The following EPSTI1 variants were observed in gnomAD, a reference collection of about 807,000 sequenced individuals.
The protein encoded by EPSTI1 is epithelial-stromal interaction protein 1.
A neutral mutation model predicts 49.9 loss-of-function variants in EPSTI1; 66 were observed. That is an observed-to-expected ratio of 1.32 (90% CI 1.08 to 1.62). The LOEUF is 1.62. Ranked by LOEUF, EPSTI1 falls within the 40% of genes most tolerant of loss-of-function variation. The pLI is 0.00. For synonymous variants in EPSTI1, 137 were observed against 130.7 expected (o/e 1.05, Z -0.33); for missense variants, 394 against 365.5 (o/e 1.08, Z -0.64).
At chr13:42,978,054 G>C (rs1231286053) in intron 1 of EPSTI1, among the ~76,000 whole-genome samples, 1 of 152,078 alleles carries the variant, frequency 6.6e-6, no homozygotes, top group Admixed American at 6.5e-5. Context: ...TTGGGAGGCT[G>C]AGGCAGGAGA....
rs534112838 is a variant in EPSTI1, at chr13:42,922,949, T to C, written c.657+3387A>G. On this transcript the variant is annotated intron_variant, in intron 7 of 10. Transcript: ENST00000313624. The surrounding 1 kb of genome is among the most constrained non-coding windows in gnomAD (Gnocchi z 4.8). The stretch of plus-strand genomic sequence containing the variant: ...CTGAGATTGATCTGCATCTAAATCT[T>C]TGCTCCTGATTTCAAAAGCTTTGCT... Among the ~76,000 whole-genome samples the C allele has an allele frequency of 7.2e-5, 11 of 152,280 alleles. No individual in the cohort carries two copies. Among genetic ancestry groups the C allele is most frequent in the South Asian group, 4.2e-4 (2 of 4,818 alleles).
Position 42,969,184 on chromosome 13 carries a change from C to G in EPSTI1, c.248-7G>C. The G allele has an allele frequency of 6.2e-7, 1 of 1,613,546 alleles. No homozygotes were observed. Among genetic ancestry groups the G allele is most frequent in the Non-Finnish European group, 8.5e-7 (1 of 1,179,902 alleles). ...GCCAGCTCCTGCTCCGCAACTAAGC[C>G]AGGCGAGAAATATCAAATCGTCAAT... On this transcript the variant is annotated splice_region_variant and splice_polypyrimidine_tract_variant and intron_variant, in intron 2 of 10. Transcript: ENST00000313624.
chr13:42,980,501 G>A (rs1391390593), intron 1 of EPSTI1, among the ~76,000 whole-genome samples: 1 of 152,232 alleles, frequency 6.6e-6, no homozygotes, highest in Non-Finnish European at 1.5e-5. Context: ...AGGCAAGAGA[G>A]CACGTGCAGA....
chr13:42,942,994 CTTAT>C (rs1356470041), intron 6 of EPSTI1, among the ~76,000 whole-genome samples: 2 of 152,318 alleles, frequency 1.3e-5, no homozygotes, highest in African/African-American at 2.4e-5. Flanking sequence ...AGCCCTGATT[CTTAT>C]TTAAACAGAA....
intron 9 of EPSTI1, among the ~76,000 whole-genome samples, chr13:42,898,006 C>T (rs2037244808): frequency 6.6e-6 from 1 of 152,126 alleles, no homozygotes; most frequent in Non-Finnish European, 1.5e-5. Flanking sequence ...CACTTCATGG[C>T]CCAAATCCTT....
rs766575159 is a variant in EPSTI1, at chr13:42,963,302, C to G, written c.442G>C (p.Ala148Pro). ...REESVRIKKE[A>P]EEAELQKMKA... ...ATTTTTTGGAGTTCAGCTTCTTCAGCTTCCTTCTTGATTCTTACAGATTCT... is the reference window on the plus strand; with the variant it reads ...ATTTTTTGGAGTTCAGCTTCTTCAGGTTCCTTCTTGATTCTTACAGATTCT... The change falls in exon 5 of 11, where the codon GCT (alanine) becomes CCT (proline). Residue 148 changes from alanine to proline, a missense_variant. Ala to Pro is a conservative substitution (Grantham distance 27). Coordinates refer to ENST00000313624, the MANE Select transcript of EPSTI1 (RefSeq NM_033255.5). 1.9e-6 allele frequency: 3 copies of G among 1,613,670 alleles called. No individual in the cohort carries two copies. The South Asian group carries it at 3.3e-5, about 18-fold the overall frequency.
chr13:42,990,895 G>A (rs2040182129), intron 1 of EPSTI1, among the ~76,000 whole-genome samples: 1 of 152,218 alleles, frequency 6.6e-6, no homozygotes, highest in South Asian at 2.1e-4. Context: ...GCACTTCAAA[G>A]GCAGTGATGT....
At chr13:42,897,878 T>C (rs780731705) in intron 9 of EPSTI1, among the ~76,000 whole-genome samples, 9 of 152,240 alleles carry the variant, frequency 5.9e-5, no homozygotes, top group South Asian at 2.1e-4. Flanking sequence ...AGAAAGTACA[T>C]ACATGCTACT....
intron 6 of EPSTI1, among the ~76,000 whole-genome samples, chr13:42,951,153 T>A (rs902604545): frequency 1.0e-4 from 15 of 149,362 alleles, no homozygotes; most frequent in Non-Finnish European, 1.9e-4. Flanking sequence ...CAAGACTCCA[T>A]TTCCAAAAAA....
At chr13:42,979,584 C>CAAAAAAAAAA in intron 1 of EPSTI1, among the ~76,000 whole-genome samples, 1 of 81,044 alleles carries the variant, frequency 1.2e-5, no homozygotes, top group Non-Finnish European at 2.5e-5. Flanking sequence ...GACTCCGTCT[C>CAAAAAAAAAA]AAAAAAAAAA....
At chr13:42,924,241 G>A (rs577801769) in intron 7 of EPSTI1, among the ~76,000 whole-genome samples, 1 of 152,276 alleles carries the variant, frequency 6.6e-6, no homozygotes, top group African/African-American at 2.4e-5. Context: ...ATAGTTTGGG[G>A]TCAAAATCGG....
chr13:42,969,151 C>A lies in EPSTI1; in HGVS notation c.274G>T (p.Glu92Ter), dbSNP rs111723542. 3.1e-6 allele frequency: 5 copies of A among 1,614,128 alleles called. No individual in the cohort carries two copies. In the African/African-American group the frequency reaches 5.3e-5, roughly 17 times the overall value. Residue 92 changes from glutamate (E) to a stop codon, truncating the protein, a stop_gained, in exon 3 of 11, where the codon GAG (glutamate) becomes TAG (stop). Transcript: ENST00000313624. LOFTEE classifies it high-confidence loss of function. The stretch of plus-strand genomic sequence containing the variant: ...GCTCTGTTCTGCTCCTTCCACTTCT[C>A]CAGGTTGGCCAGCTCCTGCTCCGCA... Reference protein sequence around the residue: ...RIAEQELANLEKWKEQNRAKP... With the variant: ...RIAEQELANL
chr13:42,918,251 T>C (rs931591301), intron 7 of EPSTI1, among the ~76,000 whole-genome samples: 16 of 152,064 alleles, frequency 1.1e-4, no homozygotes, highest in African/African-American at 3.9e-4. Context: ...TCGGTGTCTC[T>C]GACCCACCAC....
chr13:42,910,673 T>TAA (rs1250821901), intron 8 of EPSTI1, among the ~76,000 whole-genome samples: 2 of 152,218 alleles, frequency 1.3e-5, no homozygotes, highest in Non-Finnish European at 2.9e-5. Context: ...GAAAAGCTCT[T>TAA]TTATTTTTAG....
chr13:42,917,409 T>C (rs1451177909), intron 8 of EPSTI1, 132 bp downstream of exon 8: 9 of 859,586 alleles, frequency 1.0e-5, no homozygotes, highest in Non-Finnish European at 1.7e-5. Context: ...GAAACTCACC[T>C]TTTATTTTCA....
At chr13:42,940,627 T>A (rs2038721889) in intron 6 of EPSTI1, among the ~76,000 whole-genome samples, 2 of 152,180 alleles carry the variant, frequency 1.3e-5, no homozygotes. Flanking sequence ...CAGCCTGGAG[T>A]GCAGTGGTGT....
At chr13:42,987,535 C>T (rs146004069) in intron 1 of EPSTI1, among the ~76,000 whole-genome samples, 9 of 152,078 alleles carry the variant, frequency 5.9e-5, no homozygotes, top group Admixed American at 5.9e-4. Flanking sequence ...TGTGGCCCAA[C>T]ACAAATTCAT....
chr13:42,919,418 A>T (rs2037931116), intron 7 of EPSTI1: 1 of 1,217,650 alleles, frequency 8.2e-7, no homozygotes, highest in East Asian at 2.3e-5. Flanking sequence ...CTGTATTCAC[A>T]TAATTTGTCT....
In EPSTI1 at chr13:42,922,118, A is replaced by G. The variant is rs2038018965; in HGVS notation, c.657+4218T>C. 6.6e-6 allele frequency among the ~76,000 whole-genome samples: 1 copy of G among 152,242 alleles called. No homozygotes were observed. Among genetic ancestry groups the G allele is most frequent in the African/African-American group, 2.4e-5 (1 of 41,468 alleles). On this transcript the variant is annotated intron_variant, in intron 7 of 10. Coordinates refer to ENST00000313624, the MANE Select transcript of EPSTI1 (RefSeq NM_033255.5). The surrounding 1 kb of genome is among the most constrained non-coding windows in gnomAD (Gnocchi z 4.8). ...ATAGGGAAAGCTCAAATTACTGAAT[A>G]ATTATAAGAATGAGAGGAAGAAATG...
Sources: gnomAD v4.1 joint callset for allele counts (sites outside exome capture counted in the v4.1 genomes callset) on GRCh38, gnomAD v4.1.1 for gene constraint, Gnocchi (gnomAD v3.1) non-coding constraint, MANE v1.5 for transcripts, NCBI Gene and HGNC (gene_info 2026-07-23, HGNC 2026-07-21) for gene names.